Variants in NR1I3 observed in about 807,000 individuals in gnomAD.
NR1I3 encodes nuclear receptor subfamily 1 group I member 3.
NR1I3 carries 30 observed loss-of-function variants against 38.4 expected under a neutral mutation model. That is an observed-to-expected ratio of 0.78 (90% CI 0.58 to 1.06). The LOEUF (loss-of-function observed/expected upper bound fraction) is 1.06. Among genes scored for constraint, NR1I3 ranks in the 50% least tolerant of loss-of-function variants. The probability of loss-of-function intolerance (pLI) is 0.00; values close to 1 mark genes in which losing one functional copy is unlikely to be tolerated. For synonymous variants in NR1I3, 143 were observed against 165.1 expected (o/e 0.87, Z 1.03); for missense variants, 388 against 435.7 (o/e 0.89, Z 0.97).
chr1:161,235,503 C>T (rs1668437078), intron 3 of NR1I3: 1 of 227,062 alleles, frequency 4.4e-6, no homozygotes, highest in Non-Finnish European at 8.9e-6. Context: ...CTCCTGACCT[C>T]GTGATCCGCC....
Position 161,235,865 on chromosome 1 carries a change from C to T in NR1I3, c.220G>A (p.Ala74Thr). ...PACRLQKCLD[A>T]GMRKDMILSA... is the part of the protein sequence containing the mutation. ...AACTCACTGTCTTTCCTCATGCCAG[C>T]ATCTAAGCACTTCTGCAACCTGCAG... is the stretch of plus-strand genomic sequence containing the variant. The change falls in exon 3 of 9, where the codon GCT (alanine) becomes ACT (threonine). Residue 74 changes from alanine (A) to threonine (T), a missense_variant. Transcript: ENST00000367983. The T allele has an allele frequency of 1.2e-6, 2 of 1,614,170 alleles. No homozygotes were observed. The highest frequency in any genetic ancestry group is 2.2e-5 in the South Asian group (2 of 91,086).
At chr1:161,231,010 G>A (rs1258569791) in intron 7 of NR1I3, 92 bp from the exon 8 acceptor site, 2 of 1,612,438 alleles carry the variant, frequency 1.2e-6, no homozygotes, top group East Asian at 2.2e-5. Context: ...GACCTAGTCT[G>A]CAGGTTTGAT....
intron 8 of NR1I3, 99 bp from the exon 9 acceptor site, chr1:161,230,025 G>A: frequency 7.1e-7 from 1 of 1,417,256 alleles, no homozygotes; most frequent in Non-Finnish European, 9.8e-7. Flanking sequence ...ATTCCTCAGT[G>A]AAGCCAGGTC....
At chr1:161,234,713 G>A (rs1668216329) in intron 3 of NR1I3, among the ~76,000 whole-genome samples, 1 of 152,170 alleles carries the variant, frequency 6.6e-6, no homozygotes, top group South Asian at 2.1e-4. Flanking sequence ...GCCTGCACAA[G>A]TTTTTAGTTG....
Position 161,236,507 on chromosome 1 carries a change from C to A in NR1I3, c.59G>T (p.Gly20Val). The change falls in exon 2 of 9, where the codon GGC becomes GTC. Residue 20 changes from glycine to valine, a missense_variant. Transcript: ENST00000367983. ...NCVVCGDQATGYHFNALTCEG... is the reference protein window; with the variant it reads ...NCVVCGDQATVYHFNALTCEG... ...ACAAGTCAGCGCATTAAAGTGGTAG[C>A]CTGTGGCTTGGTCCCCACATACCAC... 1 of 1,614,166 alleles carries A rather than the reference C, an allele frequency of 6.2e-7. No individual in the cohort carries two copies. Among genetic ancestry groups the A allele is most frequent in the Non-Finnish European group, 8.5e-7 (1 of 1,180,026 alleles).
intron 8 of NR1I3, chr1:161,230,182 C>A: frequency 2.1e-6 from 1 of 478,728 alleles, no homozygotes; most frequent in Non-Finnish European, 3.8e-6. Flanking sequence ...GTGAAGAAAG[C>A]TCCAGACTTG....
intron 1 of NR1I3, among the ~76,000 whole-genome samples, chr1:161,237,206 C>CTTTT (rs113293798): frequency 7.3e-6 from 1 of 137,446 alleles, no homozygotes; most frequent in Middle Eastern, 3.5e-3. Context: ...CCTTTCTTTC[C>CTTTT]TTTTTTTTTT....
chr1:161,235,256 G>C (rs1402524122), intron 3 of NR1I3: 8 of 80,110 alleles, frequency 1.0e-4, no homozygotes, highest in East Asian at 4.4e-4. Flanking sequence ...TGCGCTTGGT[G>C]TTTTTTTTTT....
At chr1:161,235,264 T>TTTC (rs1668358634) in intron 3 of NR1I3, 1 of 115,642 alleles carries the variant, frequency 8.6e-6, no homozygotes, top group African/African-American at 3.3e-5. Flanking sequence ...GTGTTTTTTT[T>TTTC]TTTTTTTTTT....
In NR1I3 at chr1:161,229,785, G is replaced by C; in HGVS notation, c.*12C>G. The C allele has an allele frequency of 6.2e-7, 1 of 1,614,260 alleles. No homozygotes were observed. On this transcript the variant is annotated 3_prime_UTR_variant, in exon 9 of 9. Coordinates refer to ENST00000367983, the MANE Select transcript of NR1I3 (RefSeq NM_005122.5). ...TGTTCCAGGTGAGCTGGGGAAGGAA[G>C]TGAGCATGGCCTCAGCTGCAGATCT...
intron 1 of NR1I3, among the ~76,000 whole-genome samples, chr1:161,237,323 C>T (rs542390695): frequency 1.3e-5 from 2 of 151,030 alleles, no homozygotes; most frequent in East Asian, 2.0e-4. Context: ...CTCATGCCTC[C>T]GCCTCCTGAG....
Position 161,236,389 on chromosome 1 carries a change from G to A in NR1I3, c.107+70C>T, listed in dbSNP as rs545323000. ...TAGCTGGACAGGCTTGGGCACCAGC[G>A]AGGGTGTAAAGGCTGACTAATAGGG... On this transcript the variant is annotated intron_variant, in intron 2 of 8. Transcript: ENST00000367983. 5.5e-5 allele frequency: 86 copies of A among 1,576,282 alleles called. 1 individual carries two copies. The highest frequency in any genetic ancestry group is 4.1e-4 in the South Asian group (36 of 87,092).
intron 3 of NR1I3, 106 bp from the exon 4 acceptor site, chr1:161,233,444 G>C (rs1667802801): frequency 8.8e-7 from 1 of 1,135,218 alleles, no homozygotes. Flanking sequence ...AACGAAGGAT[G>C]GGGGCAGTGG....
In NR1I3 at chr1:161,231,400, G is replaced by A; in HGVS notation, c.623C>T (p.Thr208Ile). Residue 208 changes from threonine (T) to isoleucine (I), a missense_variant, in exon 6 of 9, where the codon ACC becomes ATC. Coordinates refer to ENST00000367983, the MANE Select transcript of NR1I3 (RefSeq NM_005122.5). The part of the protein sequence containing the change: ...AVEICHIVLN[T>I]TFCLQTQNFL... ...GTTTTGTGTTTGGAGACAGAAAGTG[G>A]TATTGAGTACGATGTGACAGATTTC... 1 of 1,569,696 alleles carries A rather than the reference G, an allele frequency of 6.4e-7. No individual in the cohort carries two copies. The highest frequency in any genetic ancestry group is 8.6e-7 in the Non-Finnish European group (1 of 1,163,474).
At chr1:161,236,260 T>C in intron 2 of NR1I3, 199 bp downstream of exon 2, 1 of 693,974 alleles carries the variant, frequency 1.4e-6, no homozygotes, top group South Asian at 1.9e-5. Context: ...CAGACAAACA[T>C]TCAGCTTTCC....
intron 8 of NR1I3, 181 bp from the exon 9 acceptor site, chr1:161,230,107 G>T: frequency 1.5e-6 from 1 of 654,488 alleles, no homozygotes; most frequent in South Asian, 2.0e-5. Context: ...AGGGGGCCTC[G>T]GTCTGACACT....
intron 2 of NR1I3, 118 bp from the exon 3 acceptor site, chr1:161,236,095 A>C: frequency 8.2e-7 from 1 of 1,219,008 alleles, no homozygotes; most frequent in Non-Finnish European, 1.1e-6. Context: ...AGCTGTGCCC[A>C]AAGGTCCCCA....
chr1:161,233,395 T>C (rs1387676707), intron 3 of NR1I3, 57 bp from the exon 4 acceptor site: 11 of 1,575,186 alleles, frequency 7.0e-6, no homozygotes, highest in Non-Finnish European at 9.5e-6. Context: ...CATTTCTCTC[T>C]GCTGGTCCCT....
chr1:161,233,189 C>T lies in NR1I3; in HGVS notation c.388G>A (p.Glu130Lys). The part of the protein sequence containing the change: ...AHTRHMGTMF[E>K]QFVQFRPPAH... Reference sequence around the variant, plus strand: ...CTCACCCTAAACTGCACAAACTGTTCAAACATGGTGCCCATGTGGCGGGTG... The same window carrying T: ...CTCACCCTAAACTGCACAAACTGTTTAAACATGGTGCCCATGTGGCGGGTG... The change falls in exon 4 of 9, where the codon GAA (glutamate) becomes AAA (lysine). Residue 130 changes from glutamate to lysine, a missense_variant. Glu to Lys is a moderately conservative substitution (Grantham distance 56). Coordinates refer to ENST00000367983, the MANE Select transcript of NR1I3 (RefSeq NM_005122.5). 1 of 1,614,188 alleles carries T rather than the reference C, an allele frequency of 6.2e-7. No homozygotes were observed. The highest frequency in any genetic ancestry group is 1.1e-5 in the South Asian group (1 of 91,060).
Sources: allele counts gnomAD v4.1 joint callset (sites outside exome capture counted in the v4.1 genomes callset), GRCh38; gene constraint gnomAD v4.1.1; transcripts MANE v1.5; gene names NCBI Gene and HGNC (gene_info 2026-07-23, HGNC 2026-07-21).